The following EVI5 variants were observed in gnomAD, a reference collection of about 807,000 sequenced individuals.
The protein encoded by EVI5 is ecotropic viral integration site 5 protein homolog.
Under a neutral mutation model 112.0 loss-of-function variants are expected in EVI5, and 73 were observed. That is an observed-to-expected ratio of 0.65 (90% CI 0.54 to 0.79). The LOEUF (loss-of-function observed/expected upper bound fraction) is 0.79, where lower values mean the gene tolerates loss of function less well. EVI5 is among the 30% of genes least tolerant of loss of function. The pLI is 0.00. For missense variants in EVI5, 900 were observed against 968.8 expected (o/e 0.93, Z 0.94); for synonymous variants, 305 against 319.9 (o/e 0.95, Z 0.50).
At chr1:92,678,535 G>A (rs1053015337) in intron 9 of EVI5, among the ~76,000 whole-genome samples, 2 of 151,934 alleles carry the variant, frequency 1.3e-5, no homozygotes, top group African/African-American at 2.4e-5. Context: ...CCCAGAAAGT[G>A]ATAAACCATT....
chr1:92,556,837 G>A lies in EVI5; in HGVS notation c.2166+6805C>T, dbSNP rs184737497. Among the ~76,000 whole-genome samples the A allele has an allele frequency of 1.8e-3, 279 of 151,016 alleles. 1 individual carries two copies. Among genetic ancestry groups the A allele is most frequent in the African/African-American group, 6.6e-3 (270 of 41,154 alleles). ...CCTTTTATTTTTTTTTTAGAGTTAG[G>A]GTCTCACTGTCACCTAGGCTGGAGT... On this transcript the variant is annotated intron_variant, in intron 19 of 19. Transcript: ENST00000684568.
chr1:92,658,508 G>A (rs1389587174), intron 13 of EVI5, among the ~76,000 whole-genome samples: 1 of 152,086 alleles, frequency 6.6e-6, no homozygotes, highest in Non-Finnish European at 1.5e-5. Flanking sequence ...AAATACCTGG[G>A]AATACTGTTA....
chr1:92,520,889 G>A (rs4970707), intron 19 of EVI5, among the ~76,000 whole-genome samples: 91,226 of 150,360 alleles, frequency 0.61, 28,642 homozygotes, highest in East Asian at 0.92. Flanking sequence ...GAAAATAGTG[G>A]CCTGCAAAAA....
chr1:92,641,404 G>A (rs1297318045), intron 13 of EVI5, among the ~76,000 whole-genome samples: 3 of 151,908 alleles, frequency 2.0e-5, no homozygotes, highest in Admixed American at 1.3e-4. Context: ...CAAAATCCCT[G>A]TATTATATAA....
intron 19 of EVI5, among the ~76,000 whole-genome samples, chr1:92,563,120 T>C (rs1205520110): frequency 1.3e-5 from 2 of 152,154 alleles, no homozygotes; most frequent in Admixed American, 6.5e-5. Flanking sequence ...TTTTGTGAGT[T>C]GAATCTCACA....
In EVI5 at chr1:92,643,503, G is replaced by A. The variant is rs138874710; in HGVS notation, c.1393-7167C>T. On this transcript the variant is annotated intron_variant, in intron 13 of 19. Transcript: ENST00000684568. Reference sequence around the variant, plus strand: ...GCTGTGTCGCTGGTCTTGAACTCCCGGCCTCAAGCAATCCTCTTGTCTTGT... The same window carrying A: ...GCTGTGTCGCTGGTCTTGAACTCCCAGCCTCAAGCAATCCTCTTGTCTTGT... Among the ~76,000 whole-genome samples, 14 of 151,612 alleles carry A rather than the reference G, an allele frequency of 9.2e-5. No individual in the cohort carries two copies. In the South Asian group the frequency reaches 1.0e-3, roughly 11 times the overall value.
chr1:92,513,953 G>A lies in EVI5; in HGVS notation c.2184C>T (p.Gly728=), dbSNP rs1313758693. 1 of 1,566,328 alleles carries A rather than the reference G, an allele frequency of 6.4e-7. No homozygotes were observed. The stretch of plus-strand genomic sequence containing the variant: ...GAGGTTGGCCTGAGAAGCCCCTCTG[G>A]CCTTTTAGGCACCTGAGCTGTTAAA... ...ELNHELRCLK[G]QRGFSGQPPF... The change falls in exon 20 of 20, where the codon GGC becomes GGT. Residue 728 remains glycine (G), a synonymous_variant. Coordinates refer to ENST00000684568, the MANE Select transcript of EVI5 (RefSeq NM_001350197.2).
rs544025332 is a variant in EVI5 at position 92,732,480 on chromosome 1, G to T, written c.149+3918C>A. The T allele has an allele frequency of 1.6e-4, 31 of 192,958 alleles. No homozygotes were observed. In the South Asian group the frequency reaches 2.6e-3, roughly 16 times the overall value. 12.0% of individuals were successfully genotyped at this position (192,958 alleles called of 1,614,324 possible). ...GATGGAGATATATCACTGCCACAGG[G>T]AGAAACTATTTGCTTTCAAGTTTTC... On this transcript the variant is annotated intron_variant, in intron 2 of 19. Coordinates refer to ENST00000684568, the MANE Select transcript of EVI5 (RefSeq NM_001350197.2).
chr1:92,521,686 C>T (rs1446568703), intron 19 of EVI5, among the ~76,000 whole-genome samples: 1 of 147,392 alleles, frequency 6.8e-6, no homozygotes, highest in African/African-American at 2.5e-5. Flanking sequence ...AGTGAGACTC[C>T]GTCTCAAAAA....
At chr1:92,579,062 T>G (rs1230678663) in intron 18 of EVI5, among the ~76,000 whole-genome samples, 1 of 152,156 alleles carries the variant, frequency 6.6e-6, no homozygotes, top group East Asian at 1.9e-4. Flanking sequence ...GCAGGACATG[T>G]GCTAGAATTG....
In EVI5 at chr1:92,513,676, A is replaced by T; in HGVS notation, c.2461T>A (p.Ser821Thr). The T allele has an allele frequency of 6.2e-7, 1 of 1,602,006 alleles. No homozygotes were observed. The highest frequency in any genetic ancestry group is 1.1e-5 in the South Asian group (1 of 90,592). Residue 821 changes from serine (S) to threonine (T), a missense_variant, in exon 20 of 20, where the codon TCG becomes ACG. Coordinates refer to ENST00000684568, the MANE Select transcript of EVI5 (RefSeq NM_001350197.2). ...QKERPPRRRE[S>T]YSTTV is the part of the protein sequence containing the mutation. ...GATGGTCAGACAGTGGTTGAATACG[A>T]CTCTCTTCTTCTCGGGGGCCGCTCC...
chr1:92,531,113 A>C (rs1314972340), intron 19 of EVI5, among the ~76,000 whole-genome samples: 6 of 152,050 alleles, frequency 3.9e-5, no homozygotes, highest in Non-Finnish European at 8.8e-5. Context: ...GGAGCTGAAA[A>C]ACACAGCATG....
intron 1 of EVI5, 116 bp from the exon 2 acceptor site, chr1:92,736,743 A>T: frequency 1.3e-6 from 1 of 750,842 alleles, no homozygotes; most frequent in Non-Finnish European, 2.2e-6. Context: ...CTCTTTGAGG[A>T]AGTAAAGGTA....
chr1:92,564,743 G>A (rs527661190), intron 18 of EVI5, among the ~76,000 whole-genome samples: 3 of 149,796 alleles, frequency 2.0e-5, no homozygotes, highest in Non-Finnish European at 3.0e-5. Flanking sequence ...GCAATGGCGC[G>A]ATTTCGGCTC....
intron 1 of EVI5, among the ~76,000 whole-genome samples, chr1:92,747,666 A>G (rs1679492352): frequency 7.3e-6 from 1 of 136,716 alleles, no homozygotes; most frequent in African/African-American, 2.7e-5. Context: ...GTGAGCTGAG[A>G]TCACGCCACT....
intron 16 of EVI5, among the ~76,000 whole-genome samples, chr1:92,614,918 C>T (rs1652765912): frequency 6.8e-6 from 1 of 147,976 alleles, no homozygotes; most frequent in South Asian, 2.1e-4. Context: ...CCTATTAGTT[C>T]TGTCCCTCTA....
At chr1:92,645,655 A>G (rs1660800251) in intron 13 of EVI5, among the ~76,000 whole-genome samples, 1 of 152,198 alleles carries the variant, frequency 6.6e-6, no homozygotes, top group Non-Finnish European at 1.5e-5. Flanking sequence ...ACTCTGGCAC[A>G]TTAAATTGAG....
At chr1:92,767,405 G>C (rs984947689) in intron 1 of EVI5, among the ~76,000 whole-genome samples, 1 of 152,088 alleles carries the variant, frequency 6.6e-6, no homozygotes, top group Non-Finnish European at 1.5e-5. Flanking sequence ...TACATGCTAC[G>C]CATAGGATTT....
chr1:92,762,390 C>A (rs946930205), intron 1 of EVI5, among the ~76,000 whole-genome samples: 1 of 152,170 alleles, frequency 6.6e-6, no homozygotes, highest in Non-Finnish European at 1.5e-5. Context: ...ATTTAATCTT[C>A]ACCATAACCC....
Sources: allele counts gnomAD v4.1 joint callset (sites outside exome capture counted in the v4.1 genomes callset), GRCh38; gene constraint gnomAD v4.1.1; transcripts MANE v1.5; gene names NCBI Gene and HGNC (gene_info 2026-07-23, HGNC 2026-07-21).